Variants in ATP10B observed in about 807,000 individuals in gnomAD.
The protein encoded by ATP10B is ATPase phospholipid transporting 10B (putative), also known as phospholipid-transporting ATPase VB.
Under a neutral mutation model 141.2 loss-of-function variants are expected in ATP10B, and 122 were observed. The ratio of observed to expected loss-of-function variants is 0.86; its 90% CI spans 0.75 to 1.00. The LOEUF is 1.00. Among genes scored for constraint, ATP10B ranks in the 50% least tolerant of loss-of-function variants. ATP10B has a pLI of 0.00. For synonymous variants in ATP10B, 685 were observed against 692.0 expected (o/e 0.99, Z 0.16); for missense variants, 1,876 against 1,825.3 (o/e 1.03, Z -0.51).
At chr5:160,642,149 G>A (rs1334022414) in intron 9 of ATP10B, among the ~76,000 whole-genome samples, 1 of 152,202 alleles carries the variant, frequency 6.6e-6, no homozygotes, top group Non-Finnish European at 1.5e-5. Flanking sequence ...TTGACCTTGG[G>A]TTGCATAGAG....
At chr5:160,816,890 A>G (rs1468297429) in intron 1 of ATP10B, among the ~76,000 whole-genome samples, 2 of 152,246 alleles carry the variant, frequency 1.3e-5, no homozygotes, top group Non-Finnish European at 2.9e-5. Context: ...AAACAGAACC[A>G]AAGACAAAAA....
intron 3 of ATP10B, among the ~76,000 whole-genome samples, chr5:160,694,748 T>C (rs1764268176): frequency 1.3e-5 from 2 of 152,242 alleles, no homozygotes; most frequent in African/African-American, 4.8e-5. Flanking sequence ...AATCCTCGTT[T>C]ATATACCAGG....
chr5:160,871,611 C>G, the ATP10B span, among the ~76,000 whole-genome samples: 1 of 152,156 alleles, frequency 6.6e-6, no homozygotes, highest in Non-Finnish European at 1.5e-5. Context: ...TCAGTGAGAA[C>G]ATACGATGTT....
intron 7 of ATP10B, among the ~76,000 whole-genome samples, chr5:160,653,590 C>T (rs1170706571): frequency 9.0e-6 from 1 of 111,618 alleles, no homozygotes; most frequent in Non-Finnish European, 1.6e-5. Flanking sequence ...TACATATATA[C>T]ATATATACAT....
chr5:160,728,719 G>T (rs1195060000), intron 2 of ATP10B, among the ~76,000 whole-genome samples: 1 of 152,194 alleles, frequency 6.6e-6, no homozygotes, highest in Non-Finnish European at 1.5e-5. Flanking sequence ...CCCAAGACAT[G>T]CAATTGTTGT....
At chr5:160,704,914 C>CTT (rs1170629163) in intron 3 of ATP10B, among the ~76,000 whole-genome samples, 32,058 of 82,060 alleles carry the variant, frequency 0.39, 7,307 homozygotes, top group Non-Finnish European at 0.47. Context: ...TTTCTTTCAT[C>CTT]TTTTTTTTTT....
chr5:160,718,694 G>C (rs940199954), intron 2 of ATP10B, among the ~76,000 whole-genome samples: 23 of 152,086 alleles, frequency 1.5e-4, no homozygotes, highest in African/African-American at 5.3e-4. Flanking sequence ...ATTTTTGTGA[G>C]AACTAATCCA....
intron 13 of ATP10B, among the ~76,000 whole-genome samples, chr5:160,629,235 C>A (rs911666114): frequency 2.6e-5 from 4 of 152,062 alleles, no homozygotes; most frequent in African/African-American, 4.8e-5. Flanking sequence ...GGGTGGGCAC[C>A]GAGACAGCCA....
At chr5:160,645,822 AC>A (rs2127682489) in intron 8 of ATP10B, among the ~76,000 whole-genome samples, 1 of 152,286 alleles carries the variant, frequency 6.6e-6, no homozygotes, top group African/African-American at 2.4e-5. Flanking sequence ...AGCCTTTTTC[AC>A]TGAAGCCTCA....
chr5:160,634,704 G>C, intron 11 of ATP10B, 98 bp from the exon 12 acceptor site: 2 of 1,337,016 alleles, frequency 1.5e-6, no homozygotes, highest in Non-Finnish European at 2.0e-6. Flanking sequence ...AGAAAGTTGA[G>C]GTCAGCTCAC....
At chr5:160,867,631 G>A in the ATP10B span, among the ~76,000 whole-genome samples, 1 of 152,070 alleles carries the variant, frequency 6.6e-6, no homozygotes, top group African/African-American at 2.4e-5. Context: ...AGATTGGGAG[G>A]ATAAATGACC....
chr5:160,928,093 T>A, the ATP10B span, among the ~76,000 whole-genome samples: 1 of 151,996 alleles, frequency 6.6e-6, no homozygotes, highest in Non-Finnish European at 1.5e-5. Flanking sequence ...AGGGCCAGAT[T>A]TAGAGTCATG....
intron 3 of ATP10B, among the ~76,000 whole-genome samples, chr5:160,694,876 G>A (rs1764275040): frequency 6.6e-6 from 1 of 152,176 alleles, no homozygotes; most frequent in Non-Finnish European, 1.5e-5. Context: ...AAGTGCCACT[G>A]TCAAAAGACA....
chr5:160,671,035 C>T (rs778189918), intron 6 of ATP10B, among the ~76,000 whole-genome samples: 3 of 151,440 alleles, frequency 2.0e-5, no homozygotes, highest in Non-Finnish European at 2.9e-5. Flanking sequence ...TGTGGTGGTG[C>T]GTGCCTGTAG....
intron 1 of ATP10B, among the ~76,000 whole-genome samples, chr5:160,787,937 A>G (rs1771288067): frequency 6.6e-6 from 1 of 152,196 alleles, no homozygotes; most frequent in East Asian, 1.9e-4. Flanking sequence ...TTAACAATCC[A>G]GATTACAGAC....
At chr5:160,719,724 C>A (rs530567130) in intron 2 of ATP10B, among the ~76,000 whole-genome samples, 6 of 152,160 alleles carry the variant, frequency 3.9e-5, no homozygotes, top group African/African-American at 1.4e-4. Context: ...GCCATTATTT[C>A]GTCCATTCTA....
chr5:160,892,630 T>C, the ATP10B span, among the ~76,000 whole-genome samples: 10 of 152,312 alleles, frequency 6.6e-5, no homozygotes, highest in Middle Eastern at 6.8e-3. Flanking sequence ...ACCTCCCCTT[T>C]GTCAAATGAA....
the ATP10B span, among the ~76,000 whole-genome samples, chr5:160,862,140 T>G: frequency 6.6e-6 from 1 of 151,998 alleles, no homozygotes; most frequent in Non-Finnish European, 1.5e-5. Context: ...CTGTGTCAAC[T>G]TAGCTAGGCT....
chr5:160,841,090 G>A (rs897770631), intron 1 of ATP10B, among the ~76,000 whole-genome samples: 12 of 151,996 alleles, frequency 7.9e-5, no homozygotes, highest in Non-Finnish European at 1.5e-4. Flanking sequence ...CCCATTTCTA[G>A]GAATTTATCC....
Sources: gnomAD v4.1 joint callset for allele counts (sites outside exome capture counted in the v4.1 genomes callset) on GRCh38, gnomAD v4.1.1 for gene constraint, MANE v1.5 for transcripts, NCBI Gene and HGNC (gene_info 2026-07-23, HGNC 2026-07-21) for gene names.